Variants in COL4A5 observed in about 807,000 individuals in gnomAD.
The protein encoded by COL4A5 is collagen alpha-5(IV) chain.
A neutral mutation model predicts 130.2 loss-of-function variants in COL4A5; 26 were observed. That is an observed-to-expected ratio of 0.20 (90% confidence interval 0.15 to 0.28). The LOEUF is 0.28. Ranked by LOEUF, COL4A5 falls within the 10% of genes least tolerant of loss-of-function variation. The pLI, the probability that COL4A5 is intolerant of heterozygous loss-of-function variation, is 1.00. For missense variants in COL4A5, 1,131 were observed against 1,344.3 expected (o/e 0.84, Z 2.48); for synonymous variants, 496 against 439.6 (o/e 1.13, Z -1.60).
intron 1 of COL4A5, among the ~76,000 whole-genome samples, chrX:108,456,986 G>A (rs1216638331): frequency 9.0e-6 from 1 of 111,342 alleles, no homozygotes; most frequent in Non-Finnish European, 1.9e-5. Context: ...CACAGGCTTC[G>A]GGGGTCTGTG....
intron 30 of COL4A5, among the ~76,000 whole-genome samples, chrX:108,619,740 T>A (rs2067001552): frequency 1.8e-5 from 2 of 112,043 alleles, no homozygotes; most frequent in Non-Finnish European, 3.8e-5. Flanking sequence ...TGGGAGCTCA[T>A]AGAGATGTGT....
chrX:108,595,179 T>C (rs1442557499), intron 21 of COL4A5, among the ~76,000 whole-genome samples: 1 of 112,237 alleles, frequency 8.9e-6, no homozygotes, highest in Non-Finnish European at 1.9e-5. Context: ...TAATATTCTA[T>C]TAAAATATTT....
chrX:108,496,491 G>T (rs1055636252), intron 1 of COL4A5, among the ~76,000 whole-genome samples: 1 of 110,542 alleles, frequency 9.0e-6, no homozygotes, highest in Non-Finnish European at 1.9e-5. Flanking sequence ...GTTCTATCTT[G>T]GTGTGTGTTC....
At chrX:108,611,473 C>A (rs1342729687) in intron 29 of COL4A5, among the ~76,000 whole-genome samples, 1 of 110,681 alleles carries the variant, frequency 9.0e-6, no homozygotes, top group Non-Finnish European at 1.9e-5. Context: ...GAAAGAAATA[C>A]AAAAGTATAT....
chrX:108,517,389 T>A (rs1431946404), intron 1 of COL4A5, among the ~76,000 whole-genome samples: 2 of 112,024 alleles, frequency 1.8e-5, no homozygotes, highest in Non-Finnish European at 3.8e-5. Context: ...TAAGAAACAG[T>A]ATTAAATGAT....
chrX:108,628,814 G>A (rs1472156930), intron 36 of COL4A5, among the ~76,000 whole-genome samples: 2 of 111,700 alleles, frequency 1.8e-5, no homozygotes, highest in Non-Finnish European at 3.8e-5. Context: ...GAGTATGTAT[G>A]ATTTACCAGG....
intron 49 of COL4A5, 100 bp from the exon 50 acceptor site, chrX:108,692,648 C>A: frequency 2.7e-6 from 2 of 737,349 alleles, no homozygotes; most frequent in South Asian, 2.2e-5. Context: ...CTATGAAAGG[C>A]TGGCAAGTTT....
chrX:108,536,390 A>T (rs754375747), intron 1 of COL4A5, among the ~76,000 whole-genome samples: 15 of 110,919 alleles, frequency 1.4e-4, no homozygotes, highest in Non-Finnish European at 2.7e-4. Context: ...GTGTGATAAT[A>T]CAAAACTTTC....
chrX:108,461,524 A>T (rs1196807054), intron 1 of COL4A5, among the ~76,000 whole-genome samples: 1 of 111,803 alleles, frequency 8.9e-6, no homozygotes, highest in East Asian at 2.8e-4. Context: ...TCAGATTATT[A>T]TATTTTTCTT....
At chrX:108,621,655 A>G (rs1193368407) in intron 31 of COL4A5, 148 bp from the exon 32 acceptor site, 2 of 485,021 alleles carry the variant, frequency 4.1e-6, no homozygotes, top group Non-Finnish European at 7.3e-6. Context: ...GGGTATCAGC[A>G]GTAGTGGGCA....
At chrX:108,646,015 A>G (rs1208498503) in intron 36 of COL4A5, among the ~76,000 whole-genome samples, 4 of 109,638 alleles carry the variant, frequency 3.6e-5, no homozygotes, top group Admixed American at 2.9e-4. Flanking sequence ...AGTCTTTGCT[A>G]TTGTGAATAG....
intron 1 of COL4A5, among the ~76,000 whole-genome samples, chrX:108,502,513 G>A (rs1214390643): frequency 9.0e-6 from 1 of 110,871 alleles, no homozygotes; most frequent in East Asian, 2.8e-4. Context: ...TCGAACTCCC[G>A]ACCTCAGGTG....
At chrX:108,626,402 T>G (rs1393681586) in intron 36 of COL4A5, 53 bp downstream of exon 36, 1 of 1,193,351 alleles carries the variant, frequency 8.4e-7, no homozygotes, top group Admixed American at 2.2e-5. Context: ...ATGAAATTTT[T>G]TAATACTATG....
At chrX:108,475,159 T>A (rs1003226239) in intron 1 of COL4A5, among the ~76,000 whole-genome samples, 2 of 111,535 alleles carry the variant, frequency 1.8e-5, no homozygotes, top group African/African-American at 6.5e-5. Context: ...TTGATAGGGA[T>A]GGCATTGAAT....
At chrX:108,625,872 A>T (rs1264071646) in intron 35 of COL4A5, 78 bp downstream of exon 35, 24 of 743,477 alleles carry the variant, frequency 3.2e-5, no homozygotes, top group Non-Finnish European at 5.0e-5. Flanking sequence ...GTCAGAAAAG[A>T]GGCTGGTGTT....
chrX:108,612,312 A>G (rs1489356981), intron 29 of COL4A5, among the ~76,000 whole-genome samples: 1 of 110,895 alleles, frequency 9.0e-6, no homozygotes, highest in Non-Finnish European at 1.9e-5. Context: ...GTTATAAGAC[A>G]AGCAAAATAA....
chrX:108,641,052 G>A (rs2067455538), intron 36 of COL4A5, among the ~76,000 whole-genome samples: 1 of 111,645 alleles, frequency 9.0e-6, no homozygotes, highest in Non-Finnish European at 1.9e-5. Context: ...TACTTGAGTA[G>A]GCATAATAAA....
chrX:108,525,248 T>C (rs999401147), intron 1 of COL4A5, among the ~76,000 whole-genome samples: 1 of 111,260 alleles, frequency 9.0e-6, no homozygotes, highest in African/African-American at 3.3e-5. Context: ...AAAATTCCTC[T>C]CTCTATCTCT....
At chrX:108,622,981 T>C (rs917914142) in intron 33 of COL4A5, among the ~76,000 whole-genome samples, 156 bp downstream of exon 33, 6 of 112,829 alleles carry the variant, frequency 5.3e-5, no homozygotes, top group African/African-American at 1.9e-4. Flanking sequence ...ACTTCATTCA[T>C]ACTGTTTCAC....
Sources: allele counts gnomAD v4.1 joint callset (sites outside exome capture counted in the v4.1 genomes callset), GRCh38; gene constraint gnomAD v4.1.1; transcripts MANE v1.5; gene names NCBI Gene and HGNC (gene_info 2026-07-23, HGNC 2026-07-21).